Variants in PIGG observed in about 807,000 individuals in gnomAD.
PIGG encodes the protein GPI ethanolamine phosphate transferase 2, catalytic subunit.
Under a neutral mutation model 83.2 loss-of-function variants are expected in PIGG, and 70 were observed. The observed-to-expected ratio is 0.84, with a 90% CI of 0.69 to 1.03. PIGG has a LOEUF of 1.03. Ranked by LOEUF, PIGG falls within the 50% of genes least tolerant of loss-of-function variation. The probability of loss-of-function intolerance (pLI) is 0.00; values close to 1 mark genes in which losing one functional copy is unlikely to be tolerated. For missense variants in PIGG, 1,257 were observed against 1,233.6 expected (o/e 1.02, Z -0.28); for synonymous variants, 532 against 519.5 (o/e 1.02, Z -0.33).
intron 12 of PIGG, among the ~76,000 whole-genome samples, chr4:537,580 G>A (rs1368823372): frequency 6.6e-6 from 1 of 152,176 alleles, no homozygotes; most frequent in Non-Finnish European, 1.5e-5. Flanking sequence ...CGGCCTGTGG[G>A]GCTGGATACC....
In PIGG at chr4:523,850, G is replaced by T; in HGVS notation, c.2006G>T (p.Arg669Leu). The T allele has an allele frequency of 6.3e-7, 1 of 1,594,938 alleles. No homozygotes were observed. Among genetic ancestry groups the T allele is most frequent in the African/African-American group, 1.3e-5 (1 of 74,598 alleles). ...WLILACCRLL[R>L]SLNQTGVQWA... ...ATACTGGCCTGCTGCCGGCTGCTGCGCTCCCTAAACCAGACAGGTGTGCAG... is the reference window on the plus strand; with the variant it reads ...ATACTGGCCTGCTGCCGGCTGCTGCTCTCCCTAAACCAGACAGGTGTGCAG... Residue 669 changes from arginine to leucine, a missense_variant, in exon 9 of 13, where the codon CGC becomes CTC. Coordinates refer to ENST00000453061, the MANE Select transcript of PIGG (RefSeq NM_001127178.3).
intron 2 of PIGG, among the ~76,000 whole-genome samples, chr4:502,994 A>G (rs1339622127): frequency 1.3e-5 from 2 of 152,068 alleles, no homozygotes; most frequent in African/African-American, 4.8e-5. Context: ...TCCACCAAGG[A>G]AGAAAGCGGA....
At chr4:512,416 A>G (rs1329843642) in intron 5 of PIGG, among the ~76,000 whole-genome samples, 4 of 151,666 alleles carry the variant, frequency 2.6e-5, no homozygotes, top group Admixed American at 6.6e-5. Context: ...AGGGTTTCAC[A>G]TTATTGGCCA....
At chr4:533,444 T>C (rs1729575273) in intron 11 of PIGG, 1 of 191,098 alleles carries the variant, frequency 5.2e-6, no homozygotes. Flanking sequence ...CGGATGGGGG[T>C]CCTTGAGGGG....
chr4:499,256 T>C lies in PIGG; in HGVS notation c.-80T>C, dbSNP rs572992286. ...CCTGGCGTTATTGCTTAGAGGCGGC[T>C]ACCTGGAGCCGGAAGCGCGGCTGCA... On this transcript the variant is annotated 5_prime_UTR_variant, in exon 1 of 13. Coordinates refer to ENST00000453061, the MANE Select transcript of PIGG (RefSeq NM_001127178.3). 2.7e-6 allele frequency: 4 copies of C among 1,491,850 alleles called. No homozygotes were observed. The highest frequency in any genetic ancestry group is 3.6e-6 in the Non-Finnish European group (4 of 1,100,250). The allele number at this position is 1,491,850 out of a possible 1,614,324, so 92.4% of individuals were successfully genotyped here.
chr4:535,836 C>T (rs1014070519), intron 12 of PIGG, among the ~76,000 whole-genome samples: 7 of 152,176 alleles, frequency 4.6e-5, no homozygotes, highest in Non-Finnish European at 1.0e-4. Context: ...GTCCTCTCCC[C>T]GCCTCACTCC....
At chr4:514,704 T>TA (rs1407066220) in intron 5 of PIGG, among the ~76,000 whole-genome samples, 20 of 152,216 alleles carry the variant, frequency 1.3e-4, no homozygotes, top group African/African-American at 4.6e-4. Context: ...TCTTAGGTCT[T>TA]ACATCTGTAC....
At chr4:504,768 C>G (rs1719016458) in intron 2 of PIGG, among the ~76,000 whole-genome samples, 4 of 152,118 alleles carry the variant, frequency 2.6e-5, no homozygotes, top group Admixed American at 2.6e-4. Flanking sequence ...TTACCCATTA[C>G]CATGGCCTCT....
chr4:521,577 C>A, intron 7 of PIGG, 83 bp from the exon 8 acceptor site: 1 of 1,315,364 alleles, frequency 7.6e-7, no homozygotes. Flanking sequence ...GGACAGCTGA[C>A]ACGAGAGCGG....
At position 523,545 on chromosome 4, in the gene PIGG, C is replaced by CA. The variant is rs1226175402; in HGVS notation, c.1702dup (p.Ser568LysfsTer35). 6.2e-7 allele frequency: 1 copy of CA among 1,614,166 alleles called. No individual in the cohort carries two copies. Among genetic ancestry groups the CA allele is most frequent in the Admixed American group, 1.7e-5 (1 of 60,030 alleles). The stretch of plus-strand genomic sequence containing the variant: ...CGGGCCACGTCTTGAGCCTGGGCGC[C>CA]AGCAGCTTCGTGGAGGAGGAGCACC... On this transcript the variant is annotated frameshift_variant, in exon 9 of 13. Transcript: ENST00000453061. LOFTEE classifies it high-confidence loss of function.
Position 521,824 on chromosome 4 carries a change from C to T in PIGG, c.1497C>T (p.Tyr499=). Residue 499 remains tyrosine (Y), a synonymous_variant, in exon 8 of 13, where the codon TAC becomes TAT. Transcript: ENST00000453061. ...IVCTSAESSC[Y]FCGLSWLAAG... is the part of the protein sequence containing the mutation. ...GCACCTCAGCTGAAAGTTCGTGCTA[C>T]TTCTGTGGCCTCTCGTGGCTGGCGG... The T allele has an allele frequency of 1.2e-6, 2 of 1,614,202 alleles. No individual in the cohort carries two copies. The highest frequency in any genetic ancestry group is 1.7e-6 in the Non-Finnish European group (2 of 1,180,024).
chr4:535,280 T>C (rs1390691303), intron 12 of PIGG, among the ~76,000 whole-genome samples: 1 of 148,264 alleles, frequency 6.7e-6, no homozygotes, highest in Non-Finnish European at 1.5e-5. Context: ...TGGGGGACAC[T>C]TGGAAGCGTT....
intron 5 of PIGG, among the ~76,000 whole-genome samples, chr4:514,848 G>A (rs78244620): frequency 3.3e-3 from 496 of 152,268 alleles, no homozygotes; most frequent in Middle Eastern, 6.8e-3. Flanking sequence ...TGCCAGTGCT[G>A]CCACTACCAG....
chr4:516,221 T>TC, intron 6 of PIGG, 36 bp downstream of exon 6: 7 of 1,453,078 alleles, frequency 4.8e-6, no homozygotes, highest in Non-Finnish European at 6.8e-6. Flanking sequence ...CTGTCAGAGC[T>TC]GTGTGTTTCC....
intron 5 of PIGG, among the ~76,000 whole-genome samples, chr4:512,216 CTTTTT>C (rs781786642): frequency 8.7e-6 from 1 of 114,296 alleles, no homozygotes; most frequent in Non-Finnish European, 1.7e-5. Flanking sequence ...AGTTATCATA[CTTTTT>C]TTTTTTTTTT....
chr4:513,376 G>T (rs182566915), intron 5 of PIGG, among the ~76,000 whole-genome samples: 1 of 152,116 alleles, frequency 6.6e-6, no homozygotes, highest in Non-Finnish European at 1.5e-5. Flanking sequence ...AGCGGTTTTG[G>T]ATTGTGTAGT....
intron 5 of PIGG, among the ~76,000 whole-genome samples, chr4:512,921 A>G (rs568506747): frequency 5.9e-5 from 9 of 152,274 alleles, no homozygotes; most frequent in South Asian, 2.1e-4. Flanking sequence ...ATAATCCTCT[A>G]TCGGGAGCTG....
rs779846680 is a variant in PIGG, at chr4:521,705, A to G, written c.1378A>G (p.Lys460Glu). The change falls in exon 8 of 13, where the codon AAG becomes GAG. Residue 460 changes from lysine to glutamate, a missense_variant. Coordinates refer to ENST00000453061, the MANE Select transcript of PIGG (RefSeq NM_001127178.3). Reference protein sequence around the residue: ...LLSVPQALRRKAELEVPLSSP... With the variant: ...LLSVPQALRREAELEVPLSSP... Reference sequence around the variant, plus strand: ...CAGCGTCCCACAGGCACTGCGCAGAAAGGCTGAGCTGGAAGTCCCACTGTC... The same window carrying G: ...CAGCGTCCCACAGGCACTGCGCAGAGAGGCTGAGCTGGAAGTCCCACTGTC... 1.9e-6 allele frequency: 3 copies of G among 1,614,018 alleles called. No individual in the cohort carries two copies. In the South Asian group the frequency reaches 3.3e-5, roughly 18 times the overall value.
rs10029096 is a variant in PIGG, at chr4:520,813, A to G, written c.1115-243A>G. On this transcript the variant is annotated intron_variant, in intron 6 of 12. Coordinates refer to ENST00000453061, the MANE Select transcript of PIGG (RefSeq NM_001127178.3). Reference sequence around the variant, plus strand: ...GTCAGTCACTGCCATCCGCGGGTGTATGCCAAGGACCAAGGCCTGCATCGC... The same window carrying G: ...GTCAGTCACTGCCATCCGCGGGTGTGTGCCAAGGACCAAGGCCTGCATCGC... Among the ~76,000 whole-genome samples, 26,978 of 152,212 alleles carry G rather than the reference A, an allele frequency of 0.18. 3,081 individuals carry two copies. Among genetic ancestry groups the G allele is most frequent in the African/African-American group, 0.33 (13,569 of 41,522 alleles).
Sources: allele counts gnomAD v4.1 joint callset (sites outside exome capture counted in the v4.1 genomes callset), GRCh38; gene constraint gnomAD v4.1.1; transcripts MANE v1.5; gene names NCBI Gene and HGNC (gene_info 2026-07-23, HGNC 2026-07-21).